The following POSTN variants were observed in gnomAD, a reference collection of about 807,000 sequenced individuals.
The protein encoded by POSTN is osteoblast specific factor 2 (fasciclin I-like).
A neutral mutation model predicts 104.5 loss-of-function variants in POSTN; 71 were observed. The observed-to-expected ratio is 0.68, with a 90% CI of 0.56 to 0.83. The LOEUF is 0.83. Ranked by LOEUF, POSTN falls within the 40% of genes least tolerant of loss-of-function variation. The pLI is 0.00. For missense variants in POSTN, 949 were observed against 1,006.8 expected (o/e 0.94, Z 0.78); for synonymous variants, 355 against 340.7 (o/e 1.04, Z -0.46).
At chr13:37,574,698 C>T in intron 16 of POSTN, 46 bp from the exon 17 acceptor site, 1 of 1,529,088 alleles carries the variant, frequency 6.5e-7, no homozygotes. Context: ...ACATAAAAAC[C>T]TGAACAAAGG....
chr13:37,582,371 G>T lies in POSTN; in HGVS notation c.1387C>A (p.Arg463Ser), dbSNP rs778364898. The T allele has an allele frequency of 6.2e-7, 1 of 1,608,422 alleles. No homozygotes were observed. Among genetic ancestry groups the T allele is most frequent in the Non-Finnish European group, 8.5e-7 (1 of 1,178,524 alleles). The change falls in exon 10 of 23, where the codon CGT becomes AGT. Residue 463 changes from arginine (R) to serine (S), a missense_variant. By Grantham distance (110) the Arg-to-Ser change is moderately radical. Coordinates refer to ENST00000379747, the MANE Select transcript of POSTN (RefSeq NM_006475.3). ...GGKQLRVFVY[R>S]TAVCIENSCM... ...TTTTGTTGTGATTCACTTACTGTAC[G>T]ATATACGAAGACTCTGAGCTGTTTG...
chr13:37,574,315 G>A (rs1950344328), intron 17 of POSTN, among the ~76,000 whole-genome samples: 1 of 151,854 alleles, frequency 6.6e-6, no homozygotes, highest in Middle Eastern at 3.4e-3. Flanking sequence ...TGTATACTAA[G>A]TTAATGCAAT....
intron 11 of POSTN, among the ~76,000 whole-genome samples, chr13:37,580,316 A>G (rs1437906292): frequency 6.6e-6 from 1 of 152,246 alleles, no homozygotes; most frequent in Non-Finnish European, 1.5e-5. Flanking sequence ...TCTAAAAACT[A>G]TAAGAAAAAT....
intron 21 of POSTN, 86 bp downstream of exon 21, chr13:37,569,214 G>A (rs1348660623): frequency 2.1e-5 from 19 of 897,916 alleles, no homozygotes; most frequent in South Asian, 8.6e-5. Context: ...CCAATTAAAA[G>A]AAAAAATCTG....
intron 7 of POSTN, 83 bp downstream of exon 7, chr13:37,586,053 CTAA>C: frequency 7.6e-7 from 1 of 1,309,944 alleles, no homozygotes; most frequent in Non-Finnish European, 1.0e-6. Flanking sequence ...CTTATTAAAA[CTAA>C]TATTATTGGT....
intron 10 of POSTN, among the ~76,000 whole-genome samples, chr13:37,582,045 T>C (rs1950604637): frequency 6.6e-6 from 1 of 152,216 alleles, no homozygotes; most frequent in Admixed American, 6.5e-5. Context: ...CAGAATTACC[T>C]TGAAAATTGT....
At chr13:37,598,450 A>G (rs1164885843) in intron 1 of POSTN, among the ~76,000 whole-genome samples, 158 bp downstream of exon 1, 1 of 152,170 alleles carries the variant, frequency 6.6e-6, no homozygotes, top group Admixed American at 6.6e-5. Flanking sequence ...GTGCATAGAT[A>G]AATCACAGAA....
intron 21 of POSTN, chr13:37,565,280 T>C (rs1950061290): frequency 6.6e-6 from 1 of 152,026 alleles, no homozygotes; most frequent in Non-Finnish European, 1.5e-5. Flanking sequence ...CTGTTTTTCT[T>C]TTAGTTTATT....
chr13:37,584,797 T>C lies in POSTN; in HGVS notation c.1027A>G (p.Ile343Val). 1.2e-6 allele frequency: 2 copies of C among 1,613,918 alleles called. No homozygotes were observed. The highest frequency in any genetic ancestry group is 1.7e-6 in the Non-Finnish European group (2 of 1,179,904). Residue 343 changes from isoleucine to valine, a missense_variant, in exon 8 of 23, where the codon ATC becomes GTC. Transcript: ENST00000379747. The stretch of plus-strand genomic sequence containing the variant: ...ATATCCTTTTTGTTCACCATTTTGA[T>C]TCCATTTACTGTTATACTGTCACCG... ...CDGDSITVNG[I>V]KMVNKKDIVT...
At chr13:37,596,477 G>A (rs1422215795) in intron 2 of POSTN, among the ~76,000 whole-genome samples, 1 of 152,096 alleles carries the variant, frequency 6.6e-6, no homozygotes, top group Non-Finnish European at 1.5e-5. Context: ...TAAACCAGAA[G>A]GCATGTCTAT....
At chr13:37,593,212 T>C (rs959483858) in intron 2 of POSTN, among the ~76,000 whole-genome samples, 2 of 150,590 alleles carry the variant, frequency 1.3e-5, no homozygotes, top group African/African-American at 4.8e-5. Context: ...AATAAGTTTA[T>C]CTAATTTACT....
At position 37,597,168 on chromosome 13, in the gene POSTN, A is replaced by G; in HGVS notation, c.218+16T>C. On this transcript the variant is annotated intron_variant, in intron 2 of 22. Coordinates refer to ENST00000379747, the MANE Select transcript of POSTN (RefSeq NM_006475.3). ...TTTTTGGAACTGACATATTATGAAA[A>G]AAAAAAGAGACTTACGTTTTCTGTC... is the stretch of plus-strand genomic sequence containing the variant. 6.7e-7 allele frequency: 1 copy of G among 1,502,848 alleles called. No individual in the cohort carries two copies. Among genetic ancestry groups the G allele is most frequent in the Non-Finnish European group, 8.9e-7 (1 of 1,118,246 alleles). The allele number at this position is 1,502,848 out of a possible 1,614,324, so 93.1% of individuals were successfully genotyped here.
In POSTN at chr13:37,590,567, T is replaced by C. The variant is rs1041550459; in HGVS notation, c.284-38A>G. On this transcript the variant is annotated intron_variant, in intron 3 of 22. Coordinates refer to ENST00000379747, the MANE Select transcript of POSTN (RefSeq NM_006475.3). ...AGAAATGAATCAGTACTGGGGATAA[T>C]ATTCTCAGGATATTATTCATAATCA... is the stretch of plus-strand genomic sequence containing the variant. 2.0e-6 allele frequency: 3 copies of C among 1,499,328 alleles called. No homozygotes were observed. In the African/African-American group the frequency reaches 4.2e-5, roughly 21 times the overall value. The allele number at this position is 1,499,328 out of a possible 1,614,324, so 92.9% of individuals were successfully genotyped here. A position where few individuals can be genotyped will look rare whatever the true frequency, so the allele number is the denominator to read the frequency against.
At chr13:37,591,746 A>G (rs541203124) in intron 3 of POSTN, among the ~76,000 whole-genome samples, 17 of 152,316 alleles carry the variant, frequency 1.1e-4, no homozygotes, top group Admixed American at 5.9e-4. Flanking sequence ...AGAATATTAT[A>G]AAATCAGAGC....
chr13:37,597,340 A>T, intron 1 of POSTN, 58 bp from the exon 2 acceptor site: 1 of 1,117,184 alleles, frequency 9.0e-7, no homozygotes, highest in South Asian at 1.5e-5. Context: ...AGTTTTTCGT[A>T]TCTAAAGATT....
Position 37,587,938 on chromosome 13 carries a change from CATTCAGTA to C in POSTN, c.482_489del (p.Leu161CysfsTer4), listed in dbSNP as rs755289990. On this transcript the variant is annotated frameshift_variant, in exon 5 of 23. Coordinates refer to ENST00000379747, the MANE Select transcript of POSTN (RefSeq NM_006475.3). LOFTEE classifies it high-confidence loss of function. ...TTATTAATCATGTGACTATGTAAAG[CATTCAGTA>C]ATTCAACATTCACGTTGCTCTCCAA... 2 of 1,603,428 alleles carry C rather than the reference CATTCAGTA, an allele frequency of 1.2e-6. No individual in the cohort carries two copies. Among genetic ancestry groups the C allele is most frequent in the Non-Finnish European group, 1.7e-6 (2 of 1,171,334 alleles).
intron 21 of POSTN, among the ~76,000 whole-genome samples, chr13:37,566,135 A>T (rs1950091888): frequency 6.6e-6 from 1 of 152,184 alleles, no homozygotes; most frequent in Non-Finnish European, 1.5e-5. Context: ...GAACAGCTTG[A>T]TTAATGTGTA....
intron 20 of POSTN, 111 bp from the exon 21 acceptor site, chr13:37,569,494 C>T: frequency 1.1e-6 from 1 of 938,076 alleles, no homozygotes; most frequent in Non-Finnish European, 1.7e-6. Context: ...CAGCCCAACA[C>T]TCGATTCTTT....
chr13:37,569,744 C>G lies in POSTN; in HGVS notation c.2347G>C (p.Glu783Gln). Reference sequence around the variant, plus strand: ...TTCTTATTTTCCTAGAAATGCTGACCTTCTTGTAACAATTTCTTCAGAGTT... The same window carrying G: ...TTCTTATTTTCCTAGAAATGCTGACGTTCTTGTAACAATTTCTTCAGAGTT... ...EETLKKLLQE[E>Q]VTKVTKFIEG... The change falls in exon 20 of 23, where the codon GAG (glutamate) becomes CAG (glutamine). Residue 783 changes from glutamate (E) to glutamine (Q), a missense_variant and splice_region_variant. By Grantham distance (29) the Glu-to-Gln change is conservative. Coordinates refer to ENST00000379747, the MANE Select transcript of POSTN (RefSeq NM_006475.3). 1 of 1,586,844 alleles carries G rather than the reference C, an allele frequency of 6.3e-7. No homozygotes were observed. The highest frequency in any genetic ancestry group is 8.6e-7 in the Non-Finnish European group (1 of 1,156,570).
Sources: gnomAD v4.1 joint callset for allele counts (sites outside exome capture counted in the v4.1 genomes callset) on GRCh38, gnomAD v4.1.1 for gene constraint, MANE v1.5 for transcripts, NCBI Gene and HGNC (gene_info 2026-07-23, HGNC 2026-07-21) for gene names.